Variants in CDH18 observed in about 807,000 individuals in gnomAD.
CDH18 encodes the protein cadherin-18.
A neutral mutation model predicts 67.9 loss-of-function variants in CDH18; 31 were observed. The observed-to-expected ratio is 0.46, with a 90% CI of 0.34 to 0.62. CDH18 has a LOEUF of 0.62. Ranked by LOEUF, CDH18 falls within the 20% of genes least tolerant of loss-of-function variation. The pLI, the probability that CDH18 is intolerant of heterozygous loss-of-function variation, is 0.01. For synonymous variants in CDH18, 362 were observed against 347.2 expected (o/e 1.04, Z -0.48); for missense variants, 890 against 975.5 (o/e 0.91, Z 1.17).
intron 1 of CDH18, among the ~76,000 whole-genome samples, chr5:20,418,795 C>T (rs1428083051): frequency 6.6e-6 from 1 of 151,992 alleles, no homozygotes; most frequent in Non-Finnish European, 1.5e-5. Context: ...TGTGTCACCC[C>T]AAAATCATAC....
chr5:19,672,870 ATATTT>A (rs1249571854), intron 5 of CDH18, among the ~76,000 whole-genome samples: 1 of 152,056 alleles, frequency 6.6e-6, no homozygotes, highest in Non-Finnish European at 1.5e-5. Context: ...TTGGTCAGAA[ATATTT>A]TAAGTGTCAG....
At chr5:19,819,090 C>A (rs1263118746) in intron 3 of CDH18, among the ~76,000 whole-genome samples, 1 of 151,568 alleles carries the variant, frequency 6.6e-6, no homozygotes, top group Non-Finnish European at 1.5e-5. Flanking sequence ...TGTGTTTATA[C>A]CTCTGTATAC....
intron 2 of CDH18, among the ~76,000 whole-genome samples, chr5:19,878,372 G>C (rs1787269470): frequency 6.6e-6 from 1 of 151,856 alleles, no homozygotes; most frequent in Admixed American, 6.6e-5. Flanking sequence ...ATTATTCTTT[G>C]CTACAATGTC....
chr5:19,639,169 A>AT (rs1487116609), intron 5 of CDH18, among the ~76,000 whole-genome samples: 2 of 151,478 alleles, frequency 1.3e-5, no homozygotes, highest in East Asian at 3.9e-4. Flanking sequence ...TGCCTGGCTA[A>AT]TTTTTTGTAT....
At chr5:20,338,898 T>G (rs938929924) in intron 1 of CDH18, among the ~76,000 whole-genome samples, 1 of 152,204 alleles carries the variant, frequency 6.6e-6, no homozygotes. Flanking sequence ...AGTGGAGAGC[T>G]AGGGCTTTGC....
At chr5:20,492,010 G>A (rs548483362) in intron 1 of CDH18, among the ~76,000 whole-genome samples, 231 of 151,906 alleles carry the variant, frequency 1.5e-3, no homozygotes, top group African/African-American at 5.5e-3. Flanking sequence ...TACAGGATTT[G>A]TGTATTATTT....
chr5:19,525,944 C>A (rs939771083), intron 9 of CDH18, among the ~76,000 whole-genome samples: 9 of 152,064 alleles, frequency 5.9e-5, no homozygotes, highest in Non-Finnish European at 1.0e-4. Context: ...ATTTATGCTT[C>A]ATTTCTAGAA....
At position 20,358,175 on chromosome 5, in the gene CDH18, C is replaced by T. The variant is rs141395240; in HGVS notation, c.-579-102670G>A. Among the ~76,000 whole-genome samples, 94 of 152,204 alleles carry T rather than the reference C, an allele frequency of 6.2e-4. 1 individual carries two copies. Among genetic ancestry groups the T allele is most frequent in the Middle Eastern group, 3.4e-3 (1 of 294 alleles). ...GGGCAGAGAGAAAGAGGGAGGGGCG[C>T]GAAGGCTGAAGAACTACCTGTTGGG... is the stretch of plus-strand genomic sequence containing the variant. On this transcript the variant is annotated intron_variant, in intron 1 of 14. Coordinates refer to the CDH18 transcript ENST00000507958.
chr5:20,364,071 G>C (rs1396198822), intron 1 of CDH18, among the ~76,000 whole-genome samples: 1 of 152,118 alleles, frequency 6.6e-6, no homozygotes, highest in Non-Finnish European at 1.5e-5. Context: ...AACTAAAGAG[G>C]AAGAGCACAT....
intron 1 of CDH18, among the ~76,000 whole-genome samples, chr5:20,287,454 A>G (rs563582224): frequency 6.6e-6 from 1 of 151,912 alleles, no homozygotes; most frequent in African/African-American, 2.4e-5. Context: ...CTGTTTCTAT[A>G]TAAGTTTCAA....
At chr5:19,530,948 G>GCTGCACCCACTGTC (rs1276410612) in intron 9 of CDH18, among the ~76,000 whole-genome samples, 2 of 152,146 alleles carry the variant, frequency 1.3e-5, no homozygotes, top group South Asian at 4.1e-4. Context: ...CGCATGGTGT[G>GCTGCACCCACTGTC]CTGCACCCAC....
At chr5:20,061,448 C>T (rs1012341025) in intron 2 of CDH18, among the ~76,000 whole-genome samples, 8 of 152,102 alleles carry the variant, frequency 5.3e-5, no homozygotes, top group Non-Finnish European at 8.8e-5. Flanking sequence ...TCCATACACA[C>T]GTCGTGGCTG....
intron 1 of CDH18, among the ~76,000 whole-genome samples, chr5:20,307,171 AGT>A (rs2149981143): frequency 6.6e-6 from 1 of 152,324 alleles, no homozygotes; most frequent in East Asian, 1.9e-4. Context: ...AGAGAAAGCC[AGT>A]GTGGTTGCAG....
At chr5:20,220,237 A>G (rs1741117359) in intron 2 of CDH18, among the ~76,000 whole-genome samples, 2 of 152,004 alleles carry the variant, frequency 1.3e-5, no homozygotes, top group South Asian at 4.1e-4. Flanking sequence ...ACAGAGGTAT[A>G]TATAGTAAGC....
intron 2 of CDH18, among the ~76,000 whole-genome samples, chr5:20,060,186 G>A (rs754586526): frequency 1.3e-4 from 20 of 151,884 alleles, no homozygotes; most frequent in African/African-American, 1.9e-4. Flanking sequence ...GAATATAGGC[G>A]GAGCGTGGTG....
intron 1 of CDH18, among the ~76,000 whole-genome samples, chr5:20,564,999 C>A (rs1056795644): frequency 6.6e-6 from 1 of 152,180 alleles, no homozygotes; most frequent in Non-Finnish European, 1.5e-5. Flanking sequence ...GAAATTAGCA[C>A]CACTTCAAAG....
chr5:19,788,859 C>T (rs1776077545), intron 3 of CDH18, among the ~76,000 whole-genome samples: 1 of 152,112 alleles, frequency 6.6e-6, no homozygotes, highest in African/African-American at 2.4e-5. Context: ...AGATTCATAT[C>T]CCAGCATTCA....
At chr5:19,561,853 CCT>C (rs754472534) in intron 8 of CDH18, among the ~76,000 whole-genome samples, 1 of 152,088 alleles carries the variant, frequency 6.6e-6, no homozygotes, top group East Asian at 1.9e-4. Flanking sequence ...TTTATGTCCC[CCT>C]GAGTTCTCAA....
intron 2 of CDH18, among the ~76,000 whole-genome samples, chr5:19,903,237 AG>A (rs1385430425): frequency 6.6e-6 from 1 of 151,772 alleles, no homozygotes; most frequent in African/African-American, 2.4e-5. Flanking sequence ...TTTTAATTAA[AG>A]GGGAAGTGTT....
Sources: gnomAD v4.1 joint callset for allele counts (sites outside exome capture counted in the v4.1 genomes callset) on GRCh38, gnomAD v4.1.1 for gene constraint, MANE v1.5 for transcripts, NCBI Gene and HGNC (gene_info 2026-07-23, HGNC 2026-07-21) for gene names.